Variants in DPP10 observed in about 807,000 individuals in gnomAD.
The protein encoded by DPP10 is inactive dipeptidyl peptidase 10.
Under a neutral mutation model 120.9 loss-of-function variants are expected in DPP10, and 33 were observed. The ratio of observed to expected loss-of-function variants is 0.27; its 90% CI spans 0.21 to 0.37. The LOEUF (loss-of-function observed/expected upper bound fraction) is 0.37. DPP10 is among the 10% of genes least tolerant of loss of function. The probability of loss-of-function intolerance (pLI) is 1.00; values close to 1 mark genes in which losing one functional copy is unlikely to be tolerated. For synonymous variants in DPP10, 337 were observed against 326.1 expected, an observed-to-expected ratio of 1.03 and a Z score of -0.36; for missense variants, 816 against 942.8, an observed-to-expected ratio of 0.87 and a Z score of 1.76.
chr2:115,551,137 C>T (rs1219389459), intron 5 of DPP10, among the ~76,000 whole-genome samples: 1 of 152,028 alleles, frequency 6.6e-6, no homozygotes, highest in Non-Finnish European at 1.5e-5. Context: ...TTAGCACTCA[C>T]AATTTTTAAT....
chr2:115,632,665 T>C (rs2085974605), intron 5 of DPP10, among the ~76,000 whole-genome samples: 1 of 152,138 alleles, frequency 6.6e-6, no homozygotes, highest in Admixed American at 6.6e-5. Flanking sequence ...GGGAGAAAAT[T>C]TTTACAATCT....
chr2:115,101,063 C>T (rs1358401733), intron 1 of DPP10, among the ~76,000 whole-genome samples: 1 of 152,158 alleles, frequency 6.6e-6, no homozygotes, highest in Non-Finnish European at 1.5e-5. Context: ...CTTTCCTGCT[C>T]GGCCCACCAG....
chr2:114,965,202 T>C (rs759548685), intron 1 of DPP10, among the ~76,000 whole-genome samples: 2 of 152,104 alleles, frequency 1.3e-5, no homozygotes, highest in Admixed American at 6.6e-5. Flanking sequence ...CAATGCATGA[T>C]CTCGGCTCAC....
chr2:114,876,773 C>T (rs1691197030), intron 1 of DPP10, among the ~76,000 whole-genome samples: 1 of 151,924 alleles, frequency 6.6e-6, no homozygotes, highest in Non-Finnish European at 1.5e-5. Context: ...CCTTCTACAC[C>T]AGGAATTCTT....
At chr2:115,304,674 A>C (rs1192642248) in intron 1 of DPP10, among the ~76,000 whole-genome samples, 1 of 152,126 alleles carries the variant, frequency 6.6e-6, no homozygotes, top group Non-Finnish European at 1.5e-5. Flanking sequence ...GAAAGTACAA[A>C]TGGAATACTA....
intron 1 of DPP10, among the ~76,000 whole-genome samples, chr2:115,163,247 G>T (rs1446912641): frequency 3.3e-5 from 5 of 152,166 alleles, no homozygotes; most frequent in African/African-American, 7.2e-5. Flanking sequence ...CAGGAGTGGT[G>T]GCGAGACACA....
intron 1 of DPP10, among the ~76,000 whole-genome samples, chr2:114,662,396 G>A (rs1697489556): frequency 6.6e-6 from 1 of 152,204 alleles, no homozygotes; most frequent in South Asian, 2.1e-4. Context: ...TGCCCGCGCC[G>A]CCCTGAGCAC....
intron 1 of DPP10, among the ~76,000 whole-genome samples, chr2:114,527,640 A>T (rs1400928137): frequency 6.6e-6 from 1 of 152,172 alleles, no homozygotes; most frequent in Non-Finnish European, 1.5e-5. Flanking sequence ...CAACAATTAC[A>T]AAGTATAGTT....
At position 114,547,411 on chromosome 2, in the gene DPP10, C is replaced by T. The variant is rs568431506; in HGVS notation, c.60+104573C>T. 1.6e-4 allele frequency among the ~76,000 whole-genome samples: 24 copies of T among 152,230 alleles called. No homozygotes were observed. In the South Asian group the frequency reaches 4.6e-3, roughly 29 times the overall value. ...TGACATTAAATAGCAAACAAAAGCA[C>T]ACCATGCAGGTCAAGAGGGAGACCA... is the stretch of plus-strand genomic sequence containing the variant. On this transcript the variant is annotated intron_variant, in intron 1 of 25. Transcript: ENST00000410059.
intron 1 of DPP10, among the ~76,000 whole-genome samples, chr2:115,156,617 A>G (rs17636812): frequency 0.034 from 5,232 of 152,328 alleles, 97 homozygotes; most frequent in African/African-American, 0.04. Flanking sequence ...AAAGAAATTG[A>G]GTAACCACTA....
intron 1 of DPP10, among the ~76,000 whole-genome samples, chr2:114,458,650 C>A (rs1221280846): frequency 6.6e-6 from 1 of 152,252 alleles, no homozygotes; most frequent in Non-Finnish European, 1.5e-5. Flanking sequence ...ATCATCTGAA[C>A]CTTCTTTTCT....
intron 3 of DPP10, among the ~76,000 whole-genome samples, chr2:115,421,615 G>A (rs887140417): frequency 1.3e-5 from 2 of 152,036 alleles, no homozygotes; most frequent in Non-Finnish European, 2.9e-5. Flanking sequence ...GCTCATGCCT[G>A]TAACTCCAGC....
chr2:114,687,523 C>T (rs1359291757), intron 1 of DPP10, among the ~76,000 whole-genome samples: 4 of 151,936 alleles, frequency 2.6e-5, no homozygotes, highest in Non-Finnish European at 5.9e-5. Flanking sequence ...AATCTGAACC[C>T]TGACCTTGCA....
chr2:114,583,662 G>A (rs1690719685), intron 1 of DPP10, among the ~76,000 whole-genome samples: 1 of 152,170 alleles, frequency 6.6e-6, no homozygotes. Context: ...TGAGGTTGCA[G>A]TTGATAATAT....
chr2:114,866,814 C>T (rs923247682), intron 1 of DPP10, among the ~76,000 whole-genome samples: 2 of 152,174 alleles, frequency 1.3e-5, no homozygotes, highest in Non-Finnish European at 2.9e-5. Flanking sequence ...AAGAATTTTC[C>T]AAGACCTCTT....
chr2:115,081,928 C>G (rs925535510), intron 1 of DPP10, among the ~76,000 whole-genome samples: 1 of 152,116 alleles, frequency 6.6e-6, no homozygotes, highest in African/African-American at 2.4e-5. Context: ...GATTCCATTC[C>G]CAGAAGGCCT....
intron 21 of DPP10, among the ~76,000 whole-genome samples, chr2:115,820,861 G>A (rs906439380): frequency 2.0e-5 from 3 of 149,114 alleles, no homozygotes; most frequent in Non-Finnish European, 3.0e-5. Context: ...TTATCCACTT[G>A]TTGATTGATG....
intron 1 of DPP10, among the ~76,000 whole-genome samples, chr2:114,742,222 A>G (rs1678133276): frequency 6.6e-6 from 1 of 152,228 alleles, no homozygotes; most frequent in South Asian, 2.1e-4. Flanking sequence ...CATAATTTAT[A>G]CCTCCAGTAC....
intron 4 of DPP10, among the ~76,000 whole-genome samples, chr2:115,500,641 T>C (rs2076637279): frequency 6.6e-6 from 1 of 151,956 alleles, no homozygotes; most frequent in African/African-American, 2.4e-5. Flanking sequence ...ACATTAATAA[T>C]AAGGTCATCA....
Sources: allele counts gnomAD v4.1 joint callset (sites outside exome capture counted in the v4.1 genomes callset), GRCh38; gene constraint gnomAD v4.1.1; transcripts MANE v1.5; gene names NCBI Gene and HGNC (gene_info 2026-07-23, HGNC 2026-07-21).